Variants in MACROH2A2 observed in about 807,000 individuals in gnomAD.
The protein encoded by MACROH2A2 is macroH2A.2 histone, also known as core histone macro-H2A.2.
In MACROH2A2, 6 loss-of-function variants were observed where a neutral mutation model predicts 37.6. That is an observed-to-expected ratio of 0.16 (90% CI 0.09 to 0.32). The LOEUF is 0.32. Among genes scored for constraint, MACROH2A2 ranks in the 10% least tolerant of loss-of-function variants. The probability of loss-of-function intolerance (pLI) is 1.00; values close to 1 mark genes in which losing one functional copy is unlikely to be tolerated. For missense variants in MACROH2A2, 290 were observed against 485.9 expected (o/e 0.60, Z 3.79); for synonymous variants, 192 against 202.7 (o/e 0.95, Z 0.45).
chr10:70,102,829 A>T (rs2072314588), intron 7 of MACROH2A2, among the ~76,000 whole-genome samples: 1 of 152,220 alleles, frequency 6.6e-6, no homozygotes, highest in African/African-American at 2.4e-5. Flanking sequence ...GCAAAGCAGT[A>T]ATAGATGCAG....
chr10:70,072,277 A>G (rs984053702), intron 1 of MACROH2A2, among the ~76,000 whole-genome samples: 1 of 151,920 alleles, frequency 6.6e-6, no homozygotes, highest in African/African-American at 2.4e-5. Flanking sequence ...TTAACTTTTT[A>G]AACTTCTGTT....
chr10:70,088,365 G>A (rs969613425), intron 2 of MACROH2A2, among the ~76,000 whole-genome samples: 1 of 152,168 alleles, frequency 6.6e-6, no homozygotes, highest in African/African-American at 2.4e-5. Flanking sequence ...CTAAGGGAAG[G>A]AATTTTTCTT....
At chr10:70,067,548 A>G (rs1338849818) in intron 1 of MACROH2A2, among the ~76,000 whole-genome samples, 1 of 152,232 alleles carries the variant, frequency 6.6e-6, no homozygotes, top group Non-Finnish European at 1.5e-5. Context: ...ATATTTAGAA[A>G]GTCTTAACCA....
intron 2 of MACROH2A2, 138 bp from the exon 3 acceptor site, chr10:70,089,922 T>C (rs4746955): frequency 0.075 from 52,570 of 700,792 alleles, 3,390 homozygotes; most frequent in East Asian, 0.25. Context: ...CTCTTACGCT[T>C]CCTGGATTTC....
At chr10:70,070,893 C>G (rs1345155540) in intron 1 of MACROH2A2, among the ~76,000 whole-genome samples, 1 of 152,144 alleles carries the variant, frequency 6.6e-6, no homozygotes, top group Non-Finnish European at 1.5e-5. Flanking sequence ...CTCTTGGCAG[C>G]TAATAGTAGG....
intron 1 of MACROH2A2, among the ~76,000 whole-genome samples, chr10:70,054,094 A>G (rs1196660315): frequency 3.3e-5 from 5 of 152,130 alleles, no homozygotes; most frequent in Non-Finnish European, 5.9e-5. Context: ...CCTTACAACA[A>G]TGGCCAAAGG....
At chr10:70,076,697 G>C (rs750326995) in intron 2 of MACROH2A2, among the ~76,000 whole-genome samples, 20 of 152,116 alleles carry the variant, frequency 1.3e-4, no homozygotes, top group Non-Finnish European at 2.4e-4. Flanking sequence ...CCAAGGTTAA[G>C]TTCCTTGGAA....
At chr10:70,056,757 T>G (rs1389632271) in intron 1 of MACROH2A2, among the ~76,000 whole-genome samples, 1 of 152,170 alleles carries the variant, frequency 6.6e-6, no homozygotes, top group Non-Finnish European at 1.5e-5. Context: ...TGAGATTCCC[T>G]TGCAAGGCTG....
At chr10:70,089,966 T>C in intron 2 of MACROH2A2, 94 bp from the exon 3 acceptor site, 3 of 810,808 alleles carry the variant, frequency 3.7e-6, no homozygotes, top group Non-Finnish European at 6.5e-6. Flanking sequence ...CACAAATGAA[T>C]GAATGTGATC....
intron 2 of MACROH2A2, among the ~76,000 whole-genome samples, chr10:70,089,232 T>C (rs1035176961): frequency 6.6e-6 from 1 of 152,238 alleles, no homozygotes; most frequent in Non-Finnish European, 1.5e-5. Flanking sequence ...TTAGGTTCTA[T>C]AGCAGGATTC....
intron 3 of MACROH2A2, among the ~76,000 whole-genome samples, 198 bp downstream of exon 3, chr10:70,090,364 C>T (rs2072237344): frequency 6.6e-6 from 1 of 152,246 alleles, no homozygotes. Flanking sequence ...GCATAGATCT[C>T]ATTATATATT....
chr10:70,065,293 T>C (rs1470574934), intron 1 of MACROH2A2, among the ~76,000 whole-genome samples: 1 of 152,122 alleles, frequency 6.6e-6, no homozygotes, highest in Non-Finnish European at 1.5e-5. Context: ...GCCAGGCTGG[T>C]CTCGAACTCC....
intron 7 of MACROH2A2, among the ~76,000 whole-genome samples, chr10:70,101,018 C>G (rs2072303631): frequency 6.6e-6 from 1 of 152,320 alleles, no homozygotes; most frequent in Middle Eastern, 3.4e-3. Context: ...TATCACCTCA[C>G]ACAGAAACCC....
intron 2 of MACROH2A2, among the ~76,000 whole-genome samples, chr10:70,086,962 A>G (rs1033072858): frequency 6.6e-6 from 1 of 152,210 alleles, no homozygotes; most frequent in Non-Finnish European, 1.5e-5. Flanking sequence ...AAGCTGAGGT[A>G]GGAGGACCAC....
At chr10:70,071,982 T>TTTCC (rs1389173294) in intron 1 of MACROH2A2, among the ~76,000 whole-genome samples, 1 of 152,168 alleles carries the variant, frequency 6.6e-6, no homozygotes, top group Non-Finnish European at 1.5e-5. Flanking sequence ...AAGAGAATAT[T>TTTCC]TTCCTTAATA....
chr10:70,102,580 G>A (rs1384759639), intron 7 of MACROH2A2, among the ~76,000 whole-genome samples: 2 of 152,102 alleles, frequency 1.3e-5, no homozygotes, highest in Non-Finnish European at 2.9e-5. Flanking sequence ...AGCCAGGCAT[G>A]GTGGCGCATG....
At chr10:70,092,382 A>G (rs552709574) in intron 4 of MACROH2A2, among the ~76,000 whole-genome samples, 8 of 152,292 alleles carry the variant, frequency 5.3e-5, no homozygotes, top group African/African-American at 1.7e-4. Context: ...GCAGTGAGCC[A>G]TGATGGCACC....
chr10:70,109,741 G>A (rs745762005), intron 8 of MACROH2A2, among the ~76,000 whole-genome samples: 3 of 152,158 alleles, frequency 2.0e-5, no homozygotes, highest in Non-Finnish European at 4.4e-5. Flanking sequence ...CCAGGAGTTC[G>A]AGGCTTTGAT....
At chr10:70,065,051 CAG>C (rs1389884087) in intron 1 of MACROH2A2, among the ~76,000 whole-genome samples, 9 of 144,624 alleles carry the variant, frequency 6.2e-5, no homozygotes, top group Non-Finnish European at 1.1e-4. Context: ...TTTTTTGAGA[CAG>C]AGTCTCACTT....
Sources: allele counts gnomAD v4.1 joint callset (sites outside exome capture counted in the v4.1 genomes callset), GRCh38; gene constraint gnomAD v4.1.1; transcripts MANE v1.5; gene names NCBI Gene and HGNC (gene_info 2026-07-23, HGNC 2026-07-21).